SLC43A2: variants seen among roughly 807,000 people sequenced by gnomAD.
SLC43A2 encodes the protein large neutral amino acids transporter small subunit 4.
SLC43A2 carries 38 observed loss-of-function variants against 63.2 expected under a neutral mutation model. That is an observed-to-expected ratio of 0.60 (90% confidence interval 0.46 to 0.79). The LOEUF (loss-of-function observed/expected upper bound fraction) is 0.79, where lower values mean the gene tolerates loss of function less well. Among genes scored for constraint, SLC43A2 ranks in the 30% least tolerant of loss-of-function variants. The pLI is 0.00. For synonymous variants in SLC43A2, 322 were observed against 331.0 expected (o/e 0.97, Z 0.30); for missense variants, 644 against 756.2 (o/e 0.85, Z 1.74).
rs1400969465 is a variant in SLC43A2 at position 1,587,045 on chromosome 17, A to T, written c.1079-994T>A. ...CAGTGCTACAGAGAGATGGGAGAGGAGGCAGGCTCACTCCATGCCCAGCAC... is the reference window on the plus strand; with the variant it reads ...CAGTGCTACAGAGAGATGGGAGAGGTGGCAGGCTCACTCCATGCCCAGCAC... On this transcript the variant is annotated intron_variant, in intron 9 of 13. Transcript: ENST00000301335. 6.4e-6 allele frequency: 9 copies of T among 1,397,424 alleles called. No homozygotes were observed. In the East Asian group the frequency reaches 2.0e-4, roughly 32 times the overall value. 86.6% of individuals were successfully genotyped at this position (1,397,424 alleles called of 1,614,324 possible). A position where few individuals can be genotyped will look rare whatever the true frequency, so the allele number is the denominator to read the frequency against.
At position 1,578,126 on chromosome 17, in the gene SLC43A2, G is replaced by C. The variant is rs1449863658; in HGVS notation, c.1424+124C>G. 1 of 904,660 alleles carries C rather than the reference G, an allele frequency of 1.1e-6. No individual in the cohort carries two copies. Among genetic ancestry groups the C allele is most frequent in the South Asian group, 1.6e-5 (1 of 63,788 alleles). 56.0% of individuals were successfully genotyped at this position (904,660 alleles called of 1,614,324 possible). On this transcript the variant is annotated intron_variant, in intron 12 of 13. Transcript: ENST00000301335. This position sits in a 1 kb window ranked among gnomAD's most constrained non-coding sequence, Gnocchi z 6.5. ...GAAACCCTGGTACCTGTCCCCTGAA[G>C]CAGGAAGATGAGCCCTTCTGGGACA...
intron 13 of SLC43A2, among the ~76,000 whole-genome samples, chr17:1,575,969 C>T (rs2075921455): frequency 6.6e-6 from 1 of 152,228 alleles, no homozygotes; most frequent in Non-Finnish European, 1.5e-5. Flanking sequence ...GCCTGGGCCC[C>T]CAGGAAACAC....
chr17:1,625,726 GATA>G (rs1226516907), intron 2 of SLC43A2, among the ~76,000 whole-genome samples: 1 of 152,192 alleles, frequency 6.6e-6, no homozygotes, highest in Non-Finnish European at 1.5e-5. Flanking sequence ...ATGTTTGCCA[GATA>G]ATAAGAAAAA....
At position 1,616,652 on chromosome 17, in the gene SLC43A2, G is replaced by A; in HGVS notation, c.278C>T (p.Thr93Ile). Residue 93 changes from threonine (T) to isoleucine (I), a missense_variant, in exon 3 of 14, where the codon ACT becomes ATT. By Grantham distance (89) the Thr-to-Ile change is moderately conservative. Around this residue, in one of 3 missense-constraint regions of SLC43A2, gnomAD observed 528 missense variants for 623.6 expected, o/e 0.85. Transcript: ENST00000301335. Reference sequence around the variant, plus strand: ...GGCACTGAGCAGAAAGGAGCCCACAGTGAAGGCCAAATTTAGCATCTCGTC... The same window carrying A: ...GGCACTGAGCAGAAAGGAGCCCACAATGAAGGCCAAATTTAGCATCTCGTC... ...AQDEMLNLAF[T>I]VGSFLLSAIT... The A allele has an allele frequency of 6.2e-7, 1 of 1,614,206 alleles. No individual in the cohort carries two copies. Among genetic ancestry groups the A allele is most frequent in the Non-Finnish European group, 8.5e-7 (1 of 1,180,042 alleles).
rs751013967 is a variant in SLC43A2 at position 1,593,015 on chromosome 17, G to A, written c.594+172C>T. ...ACATGCGTGATTCCCGTCCCCTGAGGCCCCGCGGTTTTCATTTGTCGCCCC... is the reference window on the plus strand; with the variant it reads ...ACATGCGTGATTCCCGTCCCCTGAGACCCCGCGGTTTTCATTTGTCGCCCC... On this transcript the variant is annotated intron_variant, in intron 6 of 13. Coordinates refer to ENST00000301335, the MANE Select transcript of SLC43A2 (RefSeq NM_152346.3). This position sits in a 1 kb window ranked among gnomAD's most constrained non-coding sequence, Gnocchi z 5.3. 6.6e-6 allele frequency among the ~76,000 whole-genome samples: 1 copy of A among 152,192 alleles called. No individual in the cohort carries two copies. The highest frequency in any genetic ancestry group is 1.5e-5 in the Non-Finnish European group (1 of 68,034).
intron 9 of SLC43A2, among the ~76,000 whole-genome samples, chr17:1,589,157 A>G (rs998838142): frequency 2.8e-4 from 43 of 152,208 alleles, no homozygotes; most frequent in African/African-American, 1.0e-3. Flanking sequence ...CTTTTTGAAC[A>G]TACGAAACAG....
Position 1,576,871 on chromosome 17 carries a change from T to G in SLC43A2, c.1425-151A>C, listed in dbSNP as rs1053626000. On this transcript the variant is annotated intron_variant, in intron 12 of 13. Transcript: ENST00000301335. ...TCCTGCTGGGCAGTTCTGTTTTTTT[T>G]TTTTTTTTTTTAAGATGGAGTCTTG... The G allele has an allele frequency of 1.2e-4, 117 of 985,646 alleles. No individual in the cohort carries two copies. The South Asian group carries it at 1.6e-3, about 14-fold the overall frequency. The allele number at this position is 985,646 out of a possible 1,614,324, so 61.1% of individuals were successfully genotyped here. A position where few individuals can be genotyped will look rare whatever the true frequency, so the allele number is the denominator to read the frequency against.
rs775196960 is a variant in SLC43A2, at chr17:1,605,766, T to G, written c.501+7429A>C. Reference sequence around the variant, plus strand: ...ACTGCACAGGTAGACTCTGCCAGGCTGGGCTGTTTCCTACCCACAACAACC... The same window carrying G: ...ACTGCACAGGTAGACTCTGCCAGGCGGGGCTGTTTCCTACCCACAACAACC... On this transcript the variant is annotated intron_variant, in intron 5 of 13. Transcript: ENST00000301335. This position sits in a 1 kb window ranked among gnomAD's most constrained non-coding sequence, Gnocchi z 4.9. 4.6e-5 allele frequency among the ~76,000 whole-genome samples: 7 copies of G among 152,196 alleles called. No individual in the cohort carries two copies. Among genetic ancestry groups the G allele is most frequent in the Non-Finnish European group, 1.0e-4 (7 of 68,042 alleles).
At chr17:1,586,471 C>A (rs1007487890) in intron 9 of SLC43A2, among the ~76,000 whole-genome samples, 7 of 151,990 alleles carry the variant, frequency 4.6e-5, no homozygotes, top group Non-Finnish European at 7.4e-5. Context: ...CCGAGGTGGG[C>A]GGATCACGAG....
At chr17:1,595,118 T>C (rs1178727547) in intron 5 of SLC43A2, among the ~76,000 whole-genome samples, 1 of 151,766 alleles carries the variant, frequency 6.6e-6, no homozygotes, top group Non-Finnish European at 1.5e-5. Context: ...CTGTCTCTAC[T>C]AAAAATACAA....
chr17:1,585,137 A>G, intron 10 of SLC43A2: 1 of 987,326 alleles, frequency 1.0e-6, no homozygotes, highest in Non-Finnish European at 1.2e-6. Flanking sequence ...AGCCACTGCC[A>G]AGGGGTGGAG....
At chr17:1,586,329 C>G (rs2076100743) in intron 9 of SLC43A2, among the ~76,000 whole-genome samples, 1 of 152,094 alleles carries the variant, frequency 6.6e-6, no homozygotes, top group Non-Finnish European at 1.5e-5. Context: ...TCCCAGAGCT[C>G]CAGGAAGTCG....
At chr17:1,623,406 C>T (rs149970379) in intron 2 of SLC43A2, among the ~76,000 whole-genome samples, 271 of 152,294 alleles carry the variant, frequency 1.8e-3, no homozygotes, top group Non-Finnish European at 3.2e-3. Context: ...CAGGCAGAGG[C>T]CGTGATGACT....
chr17:1,591,720 GGGGT>G, intron 6 of SLC43A2, 21 bp from the exon 7 acceptor site: 1 of 1,194,858 alleles, frequency 8.4e-7, no homozygotes, highest in Non-Finnish European at 1.2e-6. Flanking sequence ...CCGCGGGGAC[GGGGT>G]GGGGGGGGGA....
chr17:1,605,090 G>C lies in SLC43A2; in HGVS notation c.501+8105C>G, dbSNP rs144037525. The C allele has an allele frequency of 5.9e-4, 815 of 1,370,834 alleles. 3 individuals carry two copies. The African/African-American group carries it at 8.9e-3, about 15-fold the overall frequency. The allele number at this position is 1,370,834 out of a possible 1,614,324, so 84.9% of individuals were successfully genotyped here. On this transcript the variant is annotated intron_variant, in intron 5 of 13. Transcript: ENST00000301335. The surrounding 1 kb of genome is among the most constrained non-coding windows in gnomAD (Gnocchi z 4.9). ...CTCACCACCACACTCACAGGTGGGAGTGCAAGCCCCTCTTCCCGCCCTCAG... is the reference window on the plus strand; with the variant it reads ...CTCACCACCACACTCACAGGTGGGACTGCAAGCCCCTCTTCCCGCCCTCAG...
intron 6 of SLC43A2, 30 bp from the exon 7 acceptor site, chr17:1,591,729 GGGGGAGGGGGCAGAGTTAGCCC>G (rs1567622502): frequency 2.3e-6 from 2 of 854,774 alleles, no homozygotes; most frequent in East Asian, 6.0e-5. Context: ...CGGGGTGGGG[GGGGGAGGGGGCAGAGTTAGCCC>G]GGGGAGGCCA....
rs1904790234 is a variant in SLC43A2, at chr17:1,591,560, ACTTACG to A, written c.728_728+5del. 6.4e-7 allele frequency: 1 copy of A among 1,554,298 alleles called. No homozygotes were observed. Among genetic ancestry groups the A allele is most frequent in the Non-Finnish European group, 8.7e-7 (1 of 1,150,196 alleles). The stretch of plus-strand genomic sequence containing the variant: ...GGGCAGGCGGGACGGGGGCACCTCT[ACTTACG>A]AGTAGTCCATGTCCTCCGGCCCCGG... On this transcript the variant is annotated splice_donor_variant and splice_donor_5th_base_variant and coding_sequence_variant and intron_variant, in exon 7 of 14. Transcript: ENST00000301335. LOFTEE classifies it high-confidence loss of function.
intron 2 of SLC43A2, among the ~76,000 whole-genome samples, chr17:1,624,343 C>T (rs2151083521): frequency 6.6e-6 from 1 of 152,210 alleles, no homozygotes; most frequent in Middle Eastern, 3.4e-3. Flanking sequence ...GAGGCTGAGG[C>T]TGGTGGATCA....
rs1272041407 is a variant in SLC43A2 at position 1,572,511 on chromosome 17, T to C, written c.*3093A>G. The C allele has an allele frequency of 2.0e-5, 3 of 152,238 alleles. No homozygotes were observed. Among genetic ancestry groups the C allele is most frequent in the African/African-American group, 7.2e-5 (3 of 41,448 alleles). The allele number at this position is 152,238 out of a possible 1,614,324, so 9.4% of individuals were successfully genotyped here. On this transcript the variant is annotated 3_prime_UTR_variant, in exon 14 of 14. Transcript: ENST00000301335. ...TCGTTTTTCAGTTGTAAAGCAGGGA[T>C]GATCATATGTGTTTAACTCCCAGAT...
Sources: allele counts gnomAD v4.1 joint callset (sites outside exome capture counted in the v4.1 genomes callset), GRCh38; gene constraint gnomAD v4.1.1; regional missense constraint gnomAD v4.1.1; non-coding constraint Gnocchi (gnomAD v3.1); transcripts MANE v1.5; gene names NCBI Gene and HGNC (gene_info 2026-07-23, HGNC 2026-07-21).